Variants in CDH19 observed in about 807,000 individuals in gnomAD.
CDH19 encodes the protein cadherin 19.
CDH19 carries 67 observed loss-of-function variants against 64.2 expected under a neutral mutation model. The observed-to-expected ratio is 1.04, with a 90% CI of 0.86 to 1.28. CDH19 has a LOEUF of 1.28. Ranked by LOEUF, CDH19 falls within the 50% of genes most tolerant of loss-of-function variation. The pLI is 0.00. For synonymous variants in CDH19, 346 were observed against 319.3 expected, an observed-to-expected ratio of 1.08 and a Z score of -0.89; for missense variants, 1,030 against 929.0, an observed-to-expected ratio of 1.11 and a Z score of -1.41.
At position 66,504,240 on chromosome 18, in the gene CDH19, C is replaced by T. The variant is rs1985068473; in HGVS notation, c.*572G>A. The T allele has an allele frequency of 1.3e-5, 2 of 148,984 alleles. No homozygotes were observed. The highest frequency in any genetic ancestry group is 4.9e-5 in the African/African-American group (2 of 40,712). The allele number at this position is 148,984 out of a possible 1,614,324, so 9.2% of individuals were successfully genotyped here. On this transcript the variant is annotated 3_prime_UTR_variant, in exon 12 of 12. Coordinates refer to ENST00000262150, the MANE Select transcript of CDH19 (RefSeq NM_021153.4). ...CTCGTCTATTTTCCATGGATTCCTC[C>T]AACTGTTGTTTATCATACTTTCTAG... is the stretch of plus-strand genomic sequence containing the variant.
chr18:66,541,417 C>T (rs1291750910), intron 7 of CDH19, among the ~76,000 whole-genome samples: 1 of 151,986 alleles, frequency 6.6e-6, no homozygotes, highest in African/African-American at 2.4e-5. Context: ...AATTAAAACT[C>T]AAATTGAAAT....
intron 10 of CDH19, among the ~76,000 whole-genome samples, chr18:66,510,806 C>G (rs1985445720): frequency 6.6e-6 from 1 of 151,334 alleles, no homozygotes; most frequent in African/African-American, 2.4e-5. Flanking sequence ...TGCATTTACT[C>G]TCGTATGAAA....
intron 7 of CDH19, among the ~76,000 whole-genome samples, chr18:66,535,707 T>C (rs1435451623): frequency 1.4e-5 from 2 of 146,388 alleles, no homozygotes; most frequent in Non-Finnish European, 3.0e-5. Context: ...ATTACATATA[T>C]AACATATTTG....
At chr18:66,573,300 G>A (rs1988163343) in intron 1 of CDH19, among the ~76,000 whole-genome samples, 1 of 151,588 alleles carries the variant, frequency 6.6e-6, no homozygotes, top group Non-Finnish European at 1.5e-5. Context: ...ACATGATTGT[G>A]TTTTGAATCT....
chr18:66,590,425 TTGG>T (rs1988708757), intron 1 of CDH19, among the ~76,000 whole-genome samples: 1 of 151,822 alleles, frequency 6.6e-6, no homozygotes, highest in Admixed American at 6.6e-5. Context: ...CATAAAGCAA[TTGG>T]TGGGATTGGA....
intron 1 of CDH19, among the ~76,000 whole-genome samples, chr18:66,584,760 T>G (rs982099077): frequency 1.3e-5 from 2 of 152,124 alleles, no homozygotes; most frequent in Non-Finnish European, 2.9e-5. Context: ...CTATTTCTTA[T>G]TACTTTCCTG....
Position 66,509,074 on chromosome 18 carries a change from C to G in CDH19, c.1749G>C (p.Gln583His). The change falls in exon 11 of 12, where the codon CAG (glutamine) becomes CAC (histidine). Residue 583 changes from glutamine (Q) to histidine (H), a missense_variant. Physicochemically the swap from Gln to His is conservative, Grantham distance 24 (BLOSUM62 0). Transcript: ENST00000262150. ...CCATGGAAAGCACAAGCTCCTGGTACTGGCAGGTCTGTGTGCTCCCACTGT... is the reference window on the plus strand; with the variant it reads ...CCATGGAAAGCACAAGCTCCTGGTAGTGGCAGGTCTGTGTGCTCCCACTGT... ...CGDSGSTQTC[Q>H]YQELVLSMGF... is the part of the protein sequence containing the mutation. The G allele has an allele frequency of 1.2e-6, 2 of 1,612,708 alleles. No individual in the cohort carries two copies. Among genetic ancestry groups the G allele is most frequent in the Non-Finnish European group, 1.7e-6 (2 of 1,179,174 alleles).
chr18:66,543,864 C>T, intron 7 of CDH19, 107 bp downstream of exon 7: 9 of 801,948 alleles, frequency 1.1e-5, no homozygotes, highest in Non-Finnish European at 1.3e-5. Flanking sequence ...GCCTAGAAGA[C>T]AGAGTGAGAC....
chr18:66,502,423 T>C lies in CDH19; in HGVS notation c.*2389A>G, dbSNP rs1984985466. 1.3e-5 allele frequency: 2 copies of C among 151,978 alleles called. No individual in the cohort carries two copies. The highest frequency in any genetic ancestry group is 4.1e-4 in the South Asian group (2 of 4,830). 9.4% of individuals were successfully genotyped at this position (151,978 alleles called of 1,614,324 possible). A position where few individuals can be genotyped will look rare whatever the true frequency, so the allele number is the denominator to read the frequency against. ...TTCCATTAATGTGCATTTTAATGAG[T>C]TGTTTATCCAAATGTATTCATTGTT... On this transcript the variant is annotated 3_prime_UTR_variant, in exon 12 of 12. Transcript: ENST00000262150.
intron 9 of CDH19, among the ~76,000 whole-genome samples, chr18:66,520,652 T>C (rs917922198): frequency 1.3e-5 from 2 of 152,004 alleles, no homozygotes; most frequent in Non-Finnish European, 2.9e-5. Flanking sequence ...TATTAATAGA[T>C]TTGCATTATA....
In CDH19 at chr18:66,505,043, C is replaced by T. The variant is rs1272084367; in HGVS notation, c.2088G>A (p.Arg696=). Residue 696 remains arginine (R), a synonymous_variant, in exon 12 of 12, where the codon AGG becomes AGA. Coordinates refer to ENST00000262150, the MANE Select transcript of CDH19 (RefSeq NM_021153.4). ...LQVGPDSAIF[R]KFILEKLEEA... Reference sequence around the variant, plus strand: ...CTTCGAGCTTTTCCAGAATGAATTTCCTGAATATGGCACTGTCGGGGCCAA... The same window carrying T: ...CTTCGAGCTTTTCCAGAATGAATTTTCTGAATATGGCACTGTCGGGGCCAA... The T allele has an allele frequency of 6.2e-7, 1 of 1,613,644 alleles. No homozygotes were observed. Among genetic ancestry groups the T allele is most frequent in the Admixed American group, 1.7e-5 (1 of 59,914 alleles).
At chr18:66,543,340 A>G (rs1034604056) in intron 7 of CDH19, among the ~76,000 whole-genome samples, 1 of 151,930 alleles carries the variant, frequency 6.6e-6, no homozygotes, top group Non-Finnish European at 1.5e-5. Context: ...AATAAGCCAC[A>G]TTTTGATCAG....
At position 66,509,198 on chromosome 18, in the gene CDH19, T is replaced by C. The variant is rs1368992572; in HGVS notation, c.1625A>G (p.Glu542Gly). The change falls in exon 11 of 12, where the codon GAA (glutamate) becomes GGA (glycine). Residue 542 changes from glutamate to glycine, a missense_variant. Physicochemically the swap from Glu to Gly is moderately conservative, Grantham distance 98 (BLOSUM62 -2). Transcript: ENST00000262150. ...LTNRTGFNLQ[E>G]EPVFYISILI... ...GATGGAGATGTAGAAGACAGGTTCT[T>C]CTTGAAGGTTAAAACCAGTTCTATT... 1 of 1,612,452 alleles carries C rather than the reference T, an allele frequency of 6.2e-7. No homozygotes were observed. The highest frequency in any genetic ancestry group is 1.3e-5 in the African/African-American group (1 of 74,810).
At chr18:66,549,035 A>AG (rs1186943626) in intron 5 of CDH19, among the ~76,000 whole-genome samples, 1 of 152,072 alleles carries the variant, frequency 6.6e-6, no homozygotes, top group Admixed American at 6.6e-5. Context: ...TTACATTGAG[A>AG]GGAGGGTAAT....
At chr18:66,590,929 A>G (rs1045355359) in intron 1 of CDH19, among the ~76,000 whole-genome samples, 1 of 151,910 alleles carries the variant, frequency 6.6e-6, no homozygotes, top group African/African-American at 2.4e-5. Context: ...TTTGGGGTCT[A>G]TCATTTTCCC....
At chr18:66,557,580 T>G (rs559906381) in intron 3 of CDH19, among the ~76,000 whole-genome samples, 1 of 152,064 alleles carries the variant, frequency 6.6e-6, no homozygotes, top group African/African-American at 2.4e-5. Context: ...GGGGAAATAT[T>G]TGTTATTCTT....
chr18:66,511,409 A>G (rs1290229635), intron 10 of CDH19, among the ~76,000 whole-genome samples, 159 bp downstream of exon 10: 1 of 151,722 alleles, frequency 6.6e-6, no homozygotes, highest in Non-Finnish European at 1.5e-5. Flanking sequence ...AGAACTTAAC[A>G]TTGAGTTTTG....
At chr18:66,583,329 T>C (rs527983703) in intron 1 of CDH19, among the ~76,000 whole-genome samples, 5 of 152,024 alleles carry the variant, frequency 3.3e-5, no homozygotes, top group Non-Finnish European at 7.4e-5. Context: ...AATAAAAACA[T>C]GATTTTCTTT....
intron 9 of CDH19, among the ~76,000 whole-genome samples, chr18:66,524,555 T>TAC (rs2076917060): frequency 7.2e-6 from 1 of 139,532 alleles, no homozygotes; most frequent in Admixed American, 7.3e-5. Context: ...TATATATATA[T>TAC]ATATATATAT....
Sources: allele counts gnomAD v4.1 joint callset (sites outside exome capture counted in the v4.1 genomes callset), GRCh38; gene constraint gnomAD v4.1.1; transcripts MANE v1.5; gene names NCBI Gene and HGNC (gene_info 2026-07-23, HGNC 2026-07-21).